The following PTPRD variants were observed in gnomAD, a reference collection of about 807,000 sequenced individuals.
PTPRD encodes the protein receptor-type tyrosine-protein phosphatase delta.
Under a neutral mutation model 214.5 loss-of-function variants are expected in PTPRD, and 34 were observed. The observed-to-expected ratio is 0.16, with a 90% CI of 0.12 to 0.21. PTPRD has a LOEUF of 0.21. PTPRD is among the 10% of genes least tolerant of loss of function. The probability of loss-of-function intolerance (pLI) is 1.00; values close to 1 mark genes in which losing one functional copy is unlikely to be tolerated. For synonymous variants in PTPRD, 1,128 were observed against 845.7 expected (o/e 1.33, Z -5.79); for missense variants, 2,545 against 2,398.7 (o/e 1.06, Z -1.27).
chr9:8,497,174 G>A, intron 26 of PTPRD, 68 bp downstream of exon 26: 1 of 1,337,846 alleles, frequency 7.5e-7, no homozygotes, highest in Non-Finnish European at 1.0e-6. Context: ...TCACAAATAA[G>A]TGAAAGGATG....
chr9:10,298,448 G>C (rs532635942), intron 3 of PTPRD, among the ~76,000 whole-genome samples: 2 of 152,086 alleles, frequency 1.3e-5, no homozygotes, highest in Non-Finnish European at 2.9e-5. Flanking sequence ...GAATATGTTA[G>C]AGTTAAGTTC....
At chr9:9,699,898 C>T (rs1216647230) in intron 7 of PTPRD, among the ~76,000 whole-genome samples, 5 of 152,114 alleles carry the variant, frequency 3.3e-5, no homozygotes, top group Non-Finnish European at 5.9e-5. Flanking sequence ...ATGTTTTTCC[C>T]TTTTTGTGAG....
At chr9:9,453,997 TTTTC>T (rs900062079) in intron 8 of PTPRD, among the ~76,000 whole-genome samples, 1 of 151,808 alleles carries the variant, frequency 6.6e-6, no homozygotes, top group Non-Finnish European at 1.5e-5. Flanking sequence ...TGTCATCCTC[TTTTC>T]TTTAAAATTT....
intron 5 of PTPRD, among the ~76,000 whole-genome samples, chr9:9,869,767 C>T (rs1183341728): frequency 1.3e-5 from 2 of 151,164 alleles, no homozygotes; most frequent in African/African-American, 2.4e-5. Flanking sequence ...CAGTTTTCAA[C>T]AAGTAAACTG....
chr9:9,155,510 T>A (rs2099880443), intron 10 of PTPRD, among the ~76,000 whole-genome samples: 1 of 152,166 alleles, frequency 6.6e-6, no homozygotes, highest in South Asian at 2.1e-4. Context: ...GATTGATTGA[T>A]GTGCCTGAGA....
At chr9:10,474,969 G>T (rs2099053517) in intron 2 of PTPRD, among the ~76,000 whole-genome samples, 1 of 152,046 alleles carries the variant, frequency 6.6e-6, no homozygotes, top group African/African-American at 2.4e-5. Flanking sequence ...AGTGTCTCTG[G>T]GACACAGTTA....
At chr9:10,283,680 G>A (rs1405962677) in intron 3 of PTPRD, among the ~76,000 whole-genome samples, 17 of 152,108 alleles carry the variant, frequency 1.1e-4, no homozygotes, top group Non-Finnish European at 5.9e-5. Flanking sequence ...TGTCTCTTTG[G>A]TATCAAAATT....
At chr9:9,233,721 C>A (rs907540791) in intron 9 of PTPRD, among the ~76,000 whole-genome samples, 1 of 152,194 alleles carries the variant, frequency 6.6e-6, no homozygotes, top group East Asian at 1.9e-4. Context: ...AGGCCCCATG[C>A]AAGTCTGAAA....
In PTPRD at chr9:10,499,310, C is replaced by T. The variant is rs142994173; in HGVS notation, c.-600+113088G>A. On this transcript the variant is annotated intron_variant, in intron 2 of 45. Transcript: ENST00000381196. ...TTTTCTGTTCTTGTGTTAGTTTGCCCAGAACTTAATGTATAATAAAAAAGA... is the reference window on the plus strand; with the variant it reads ...TTTTCTGTTCTTGTGTTAGTTTGCCTAGAACTTAATGTATAATAAAAAAGA... Among the ~76,000 whole-genome samples, 240 of 151,788 alleles carry T rather than the reference C, an allele frequency of 1.6e-3. 4 individuals carry two copies. Among genetic ancestry groups the T allele is most frequent in the African/African-American group, 5.5e-3 (230 of 41,462 alleles).
chr9:9,078,471 A>C (rs2099754260), intron 10 of PTPRD, among the ~76,000 whole-genome samples: 1 of 152,222 alleles, frequency 6.6e-6, no homozygotes, highest in Admixed American at 6.6e-5. Context: ...GGGCTGACCA[A>C]GTTCTTAAAA....
chr9:10,488,397 G>T (rs1321690574), intron 2 of PTPRD, among the ~76,000 whole-genome samples: 2 of 149,590 alleles, frequency 1.3e-5, no homozygotes, highest in African/African-American at 4.9e-5. Context: ...AGACTGCCAG[G>T]TCACACCTGA....
chr9:8,863,941 G>C (rs1242351689), intron 11 of PTPRD, among the ~76,000 whole-genome samples: 1 of 152,096 alleles, frequency 6.6e-6, no homozygotes, highest in African/African-American at 2.4e-5. Flanking sequence ...AGAAAATTCT[G>C]AAATGAAGGA....
chr9:8,500,725 T>C lies in PTPRD; in HGVS notation c.2128+29A>G, dbSNP rs188911321. The C allele has an allele frequency of 4.4e-6, 7 of 1,608,734 alleles. No individual in the cohort carries two copies. The East Asian group carries it at 1.3e-4, about 31-fold the overall frequency. On this transcript the variant is annotated intron_variant, in intron 24 of 45. Transcript: ENST00000381196. ...GCAGATCAAGACTGTGTCAGAAGGG[T>C]GCAAACTGACGTAGCGGAGGCAACA...
chr9:10,521,167 G>T (rs1439855423), intron 2 of PTPRD, among the ~76,000 whole-genome samples: 2 of 152,046 alleles, frequency 1.3e-5, no homozygotes, highest in Non-Finnish European at 2.9e-5. Flanking sequence ...ACTCATGGGA[G>T]CAGATCACAG....
intron 10 of PTPRD, among the ~76,000 whole-genome samples, chr9:9,095,721 C>T (rs938496297): frequency 1.3e-5 from 2 of 152,112 alleles, no homozygotes; most frequent in East Asian, 3.9e-4. Context: ...AAAAATAGAA[C>T]TACCATATGA....
intron 10 of PTPRD, among the ~76,000 whole-genome samples, chr9:9,085,918 A>AGCTGCTC: frequency 6.6e-6 from 1 of 152,290 alleles, no homozygotes; most frequent in Non-Finnish European, 1.5e-5. Context: ...TCCAACCCTA[A>AGCTGCTC]GCTGCTCACT....
intron 9 of PTPRD, among the ~76,000 whole-genome samples, chr9:9,394,960 A>G (rs1462508447): frequency 6.6e-6 from 1 of 152,100 alleles, no homozygotes; most frequent in African/African-American, 2.4e-5. Context: ...AATTTTAATA[A>G]TGCATGTTCA....
At chr9:9,458,579 T>C (rs1419819459) in intron 8 of PTPRD, among the ~76,000 whole-genome samples, 1 of 151,600 alleles carries the variant, frequency 6.6e-6, no homozygotes, top group African/African-American at 2.4e-5. Flanking sequence ...AAATCATGAG[T>C]TGTTTGTTGT....
At chr9:10,444,805 G>T (rs1031805153) in intron 2 of PTPRD, among the ~76,000 whole-genome samples, 2 of 151,752 alleles carry the variant, frequency 1.3e-5, no homozygotes, top group East Asian at 1.9e-4. Context: ...TAATCTTTCT[G>T]AATAAATTAG....
Sources: allele counts gnomAD v4.1 joint callset (sites outside exome capture counted in the v4.1 genomes callset), GRCh38; gene constraint gnomAD v4.1.1; transcripts MANE v1.5; gene names NCBI Gene and HGNC (gene_info 2026-07-23, HGNC 2026-07-21).